The following AGBL1 variants were observed in gnomAD, a reference collection of about 807,000 sequenced individuals.
The protein encoded by AGBL1 is AGBL carboxypeptidase 1.
A neutral mutation model predicts 118.9 loss-of-function variants in AGBL1; 130 were observed. The observed-to-expected ratio is 1.09, with a 90% CI of 0.95 to 1.26. AGBL1 has a LOEUF of 1.26. Ranked by LOEUF, AGBL1 falls within the 50% of genes most tolerant of loss-of-function variation. The pLI is 0.00. For missense variants in AGBL1, 1,584 were observed against 1,298.1 expected (o/e 1.22, Z -3.38); for synonymous variants, 555 against 478.9 (o/e 1.16, Z -2.08).
chr15:86,827,337 ATGTGTATATATATATATATATATATG>A lies in AGBL1; in HGVS notation c.3159-79744_3159-79719del, dbSNP rs1567194380. Among the ~76,000 whole-genome samples, 2 of 9,464 alleles carry A rather than the reference ATGTGTATATATATATATATATATATG, an allele frequency of 2.1e-4. 1 individual carries two copies. The highest frequency in any genetic ancestry group is 3.0e-4 in the Non-Finnish European group (2 of 6,626). 6.2% of individuals were successfully genotyped at this position (9,464 alleles called of 152,430 possible). A position where few individuals can be genotyped will look rare whatever the true frequency, so the allele number is the denominator to read the frequency against. On this transcript the variant is annotated intron_variant, in intron 22 of 22. Transcript: ENST00000614907. ...TATATACACACACATATATATATAT[ATGTGTATATATATATATATATATATG>A]TGTGTGTATATATATATATACACAT...
At chr15:86,805,546 T>C (rs1394745832) in intron 22 of AGBL1, among the ~76,000 whole-genome samples, 1 of 152,138 alleles carries the variant, frequency 6.6e-6, no homozygotes, top group Non-Finnish European at 1.5e-5. Context: ...GGAAGAGGGT[T>C]AGAAACATAT....
chr15:86,323,945 T>C (rs1433237679), intron 17 of AGBL1, among the ~76,000 whole-genome samples: 1 of 152,204 alleles, frequency 6.6e-6, no homozygotes, highest in Non-Finnish European at 1.5e-5. Context: ...TATTAACCTG[T>C]ATGTTGAGCT....
At chr15:86,703,053 TG>T (rs1232329556) in intron 22 of AGBL1, among the ~76,000 whole-genome samples, 2 of 152,126 alleles carry the variant, frequency 1.3e-5, no homozygotes, top group African/African-American at 4.8e-5. Context: ...ATCCAGTTAT[TG>T]TAGTGTCTCA....
intron 9 of AGBL1, among the ~76,000 whole-genome samples, chr15:86,260,154 G>A (rs1369124766): frequency 1.3e-5 from 2 of 152,230 alleles, no homozygotes; most frequent in Non-Finnish European, 2.9e-5. Flanking sequence ...CACAGCAAGA[G>A]CAAGGAAACT....
chr15:87,009,638 A>T (rs2081538191), intron 24 of AGBL1, among the ~76,000 whole-genome samples: 1 of 152,118 alleles, frequency 6.6e-6, no homozygotes, highest in African/African-American at 2.4e-5. Context: ...AGCCACAGAC[A>T]CTCAATGCCA....
chr15:86,689,494 T>A (rs1057056661), intron 22 of AGBL1, among the ~76,000 whole-genome samples: 2 of 152,084 alleles, frequency 1.3e-5, no homozygotes, highest in Non-Finnish European at 2.9e-5. Context: ...AATGAACAAA[T>A]CTTTGTCAAG....
intron 1 of AGBL1, among the ~76,000 whole-genome samples, chr15:86,140,403 T>G (rs1045348424): frequency 6.6e-6 from 1 of 152,094 alleles, no homozygotes; most frequent in Non-Finnish European, 1.5e-5. Flanking sequence ...GGGATGTTGT[T>G]GGACTTCATG....
chr15:86,922,657 A>T (rs1419537163), intron 23 of AGBL1, among the ~76,000 whole-genome samples: 1 of 152,246 alleles, frequency 6.6e-6, no homozygotes, highest in African/African-American at 2.4e-5. Context: ...GCTATAATTT[A>T]AATGCTATAA....
At chr15:86,899,565 A>G (rs182926618) in intron 22 of AGBL1, among the ~76,000 whole-genome samples, 1 of 152,132 alleles carries the variant, frequency 6.6e-6, no homozygotes, top group Non-Finnish European at 1.5e-5. Flanking sequence ...GAAATTCTTT[A>G]TTTCAAAATC....
chr15:86,967,403 T>C (rs2081065707), intron 23 of AGBL1, among the ~76,000 whole-genome samples: 1 of 152,124 alleles, frequency 6.6e-6, no homozygotes, highest in Admixed American at 6.6e-5. Flanking sequence ...TCCTTGCCCA[T>C]GCCTATGTCC....
Position 86,974,321 on chromosome 15 carries a change from A to G in AGBL1, c.3222-13666A>G, listed in dbSNP as rs1216723655. On this transcript the variant is annotated intron_variant, in intron 23 of 24. Transcript: ENST00000441037. ...ATATTAAATATAAACATTTTAATAT[A>G]TTAAATATAAACATTTTAATATATT... is the stretch of plus-strand genomic sequence containing the variant. 6.9e-5 allele frequency among the ~76,000 whole-genome samples: 6 copies of G among 87,518 alleles called. No individual in the cohort carries two copies. In the East Asian group the frequency reaches 2.1e-3, roughly 30 times the overall value. 57.4% of individuals were successfully genotyped at this position (87,518 alleles called of 152,430 possible).
chr15:86,591,649 C>T (rs927148692), intron 21 of AGBL1, among the ~76,000 whole-genome samples: 2 of 152,140 alleles, frequency 1.3e-5, no homozygotes, highest in East Asian at 3.8e-4. Context: ...CTTCCATCCC[C>T]TCTCTAGGTG....
At chr15:86,537,312 AATAG>A (rs2083439918) in intron 19 of AGBL1, among the ~76,000 whole-genome samples, 1 of 152,244 alleles carries the variant, frequency 6.6e-6, no homozygotes, top group African/African-American at 2.4e-5. Flanking sequence ...TGGTACACCA[AATAG>A]ATTAATGCTT....
At chr15:86,605,602 C>T (rs950204060) in intron 21 of AGBL1, among the ~76,000 whole-genome samples, 1 of 152,172 alleles carries the variant, frequency 6.6e-6, no homozygotes, top group African/African-American at 2.4e-5. Flanking sequence ...CTGGTTCATT[C>T]TTAACAACAC....
chr15:86,948,947 A>G (rs1596665012), intron 23 of AGBL1, among the ~76,000 whole-genome samples: 2 of 152,226 alleles, frequency 1.3e-5, no homozygotes, highest in African/African-American at 2.4e-5. Flanking sequence ...TCATTGATGT[A>G]ACATCTCTAA....
intron 23 of AGBL1, among the ~76,000 whole-genome samples, chr15:86,963,621 G>T (rs2141689701): frequency 6.6e-6 from 1 of 152,092 alleles, no homozygotes; most frequent in South Asian, 2.1e-4. Flanking sequence ...AAAAAGCTCA[G>T]TCTCATTATT....
At chr15:86,578,621 T>A (rs2084130093) in intron 21 of AGBL1, among the ~76,000 whole-genome samples, 1 of 152,190 alleles carries the variant, frequency 6.6e-6, no homozygotes, top group Admixed American at 6.5e-5. Flanking sequence ...CCCACATGTT[T>A]TGGAAGGGAC....
chr15:86,234,771 G>T (rs939013624), intron 6 of AGBL1, among the ~76,000 whole-genome samples: 46 of 152,172 alleles, frequency 3.0e-4, no homozygotes, highest in African/African-American at 1.1e-3. Flanking sequence ...GTTTAAAAGA[G>T]TGGGAGTACA....
intron 22 of AGBL1, among the ~76,000 whole-genome samples, chr15:86,847,703 T>G (rs544992335): frequency 6.6e-6 from 1 of 152,350 alleles, no homozygotes; most frequent in East Asian, 1.9e-4. Context: ...TCTTTTAAGC[T>G]GGCTCCAGAT....
Sources: gnomAD v4.1 joint callset for allele counts (sites outside exome capture counted in the v4.1 genomes callset) on GRCh38, gnomAD v4.1.1 for gene constraint, MANE v1.5 for transcripts, NCBI Gene and HGNC (gene_info 2026-07-23, HGNC 2026-07-21) for gene names.